The following C3orf52 variants were observed in gnomAD, a reference collection of about 807,000 sequenced individuals.
C3orf52 encodes chromosome 3 open reading frame 52, also known as TPA-induced transmembrane protein.
A neutral mutation model predicts 24.8 loss-of-function variants in C3orf52; 22 were observed. That is an observed-to-expected ratio of 0.89 (90% CI 0.63 to 1.27). C3orf52 has a LOEUF of 1.27. C3orf52 is among the 50% of genes most tolerant of loss of function. The probability of loss-of-function intolerance (pLI) is 0.00; values close to 1 mark genes in which losing one functional copy is unlikely to be tolerated. For synonymous variants in C3orf52, 93 were observed against 100.2 expected (o/e 0.93, Z 0.43); for missense variants, 265 against 260.7 (o/e 1.02, Z -0.11).
At chr3:112,087,743 G>T (rs865984769) in intron 1 of C3orf52, among the ~76,000 whole-genome samples, 1 of 152,204 alleles carries the variant, frequency 6.6e-6, no homozygotes, top group African/African-American at 2.4e-5. Flanking sequence ...GGCCACAACT[G>T]TGAACTGGCT....
At chr3:112,130,763 A>C, downstream of C3orf52, 2 of 512,402 alleles carry the variant, frequency 3.9e-6, no homozygotes, top group Non-Finnish European at 3.6e-6. Context: ...GTGATCCTAA[A>C]TCATCTGATC....
chr3:112,105,142 A>G (rs2074011478), intron 3 of C3orf52, among the ~76,000 whole-genome samples: 1 of 152,210 alleles, frequency 6.6e-6, no homozygotes, highest in Non-Finnish European at 1.5e-5. Context: ...AGGGACTGAC[A>G]TTGATGCCTG....
chr3:112,110,882 A>C (rs1415589456), intron 4 of C3orf52, among the ~76,000 whole-genome samples: 1 of 152,190 alleles, frequency 6.6e-6, no homozygotes, highest in Non-Finnish European at 1.5e-5. Context: ...CTACAGATAC[A>C]TATGGTGCAG....
At chr3:112,110,497 G>T (rs1322179967) in intron 4 of C3orf52, among the ~76,000 whole-genome samples, 1 of 152,008 alleles carries the variant, frequency 6.6e-6, no homozygotes, top group Non-Finnish European at 1.5e-5. Context: ...TTCTGTTCAT[G>T]TATCTACCAT....
At chr3:112,097,111 T>C (rs2073933463) in intron 2 of C3orf52, among the ~76,000 whole-genome samples, 1 of 152,220 alleles carries the variant, frequency 6.6e-6, no homozygotes, top group Admixed American at 6.5e-5. Flanking sequence ...TATAAATTTC[T>C]TGATTTGAAA....
chr3:112,108,310 A>G (rs948107895), intron 3 of C3orf52, among the ~76,000 whole-genome samples: 7 of 152,182 alleles, frequency 4.6e-5, no homozygotes, highest in East Asian at 1.9e-4. Flanking sequence ...GCACTATTTT[A>G]TACTCCTCGG....
chr3:112,089,260 T>C (rs1392921210), intron 1 of C3orf52, among the ~76,000 whole-genome samples: 2 of 152,200 alleles, frequency 1.3e-5, no homozygotes, highest in Non-Finnish European at 2.9e-5. Context: ...GTACAGCGGC[T>C]CACGCCTGTA....
intron 2 of C3orf52, among the ~76,000 whole-genome samples, chr3:112,099,781 T>C (rs187046022): frequency 6.4e-4 from 98 of 152,344 alleles, no homozygotes; most frequent in African/African-American, 2.2e-3. Flanking sequence ...TTCTCATATC[T>C]AGATAATGGC....
intron 4 of C3orf52, chr3:112,112,183 G>C (rs2074089653): frequency 6.6e-6 from 1 of 152,226 alleles, no homozygotes; most frequent in Non-Finnish European, 1.5e-5. Flanking sequence ...AAATGTTGAA[G>C]TAGCATTTAA....
At chr3:112,092,815 C>A (rs901938743) in intron 1 of C3orf52, among the ~76,000 whole-genome samples, 10 of 152,156 alleles carry the variant, frequency 6.6e-5, no homozygotes, top group African/African-American at 1.9e-4. Flanking sequence ...ACAGCAGTAG[C>A]CTTGTAGCTT....
At chr3:112,133,200 A>C (rs2107819766), downstream of C3orf52, 1 of 1,510,352 alleles carries the variant, frequency 6.6e-7, no homozygotes, top group Middle Eastern at 1.7e-4. Context: ...GCAACTCCTG[A>C]CTTAAAGAAA....
chr3:112,103,397 T>C lies in C3orf52; in HGVS notation c.396+432T>C, dbSNP rs548603760. Reference sequence around the variant, plus strand: ...ACTTTGTTAAAAAAATAAGTAAATATCTTTACTGTAGTGCAAAGCCAGAGG... The same window carrying C: ...ACTTTGTTAAAAAAATAAGTAAATACCTTTACTGTAGTGCAAAGCCAGAGG... On this transcript the variant is annotated intron_variant, in intron 3 of 5. Transcript: ENST00000264848. Among the ~76,000 whole-genome samples the C allele has an allele frequency of 1.6e-4, 24 of 152,296 alleles. 1 individual carries two copies. In the South Asian group the frequency reaches 5.0e-3, roughly 32 times the overall value.
At chr3:112,114,408 A>AC (rs1330839065) in intron 5 of C3orf52, among the ~76,000 whole-genome samples, 54 of 151,450 alleles carry the variant, frequency 3.6e-4, no homozygotes, top group Middle Eastern at 3.4e-3. Flanking sequence ...AGGAATTAAA[A>AC]AAAAAAAAAA....
Position 112,116,656 on chromosome 3 carries a change from G to A in C3orf52, c.*10G>A. ...TTTCTTTTTAGAATGAAGTGATGGA[G>A]GCTGGTCTCTGTCTGAAAGCAGTGC... On this transcript the variant is annotated 3_prime_UTR_variant, in exon 6 of 6. Transcript: ENST00000264848. The A allele has an allele frequency of 6.3e-7, 1 of 1,592,218 alleles. No homozygotes were observed. The highest frequency in any genetic ancestry group is 8.6e-7 in the Non-Finnish European group (1 of 1,167,350).
chr3:112,095,362 T>C (rs1370776200), intron 2 of C3orf52, among the ~76,000 whole-genome samples: 2 of 152,224 alleles, frequency 1.3e-5, no homozygotes, highest in Non-Finnish European at 2.9e-5. Context: ...GGTGCTATCC[T>C]AGAAGTTGAT....
At chr3:112,101,459 A>T (rs1049470603) in intron 2 of C3orf52, among the ~76,000 whole-genome samples, 2 of 152,154 alleles carry the variant, frequency 1.3e-5, no homozygotes, top group Admixed American at 6.5e-5. Flanking sequence ...CCTACTATGC[A>T]CTAAAAATCC....
At chr3:112,131,647 A>G (rs1474979425), downstream of C3orf52, among the ~76,000 whole-genome samples, 1 of 152,192 alleles carries the variant, frequency 6.6e-6, no homozygotes, top group East Asian at 1.9e-4. Flanking sequence ...CTTTTAAATC[A>G]TCATAGAAAT....
At chr3:112,132,043 A>T (rs899261858), downstream of C3orf52, among the ~76,000 whole-genome samples, 2 of 152,216 alleles carry the variant, frequency 1.3e-5, no homozygotes, top group Admixed American at 6.5e-5. Context: ...ATTCAAAGAT[A>T]AATAAGAAAC....
downstream of C3orf52, chr3:112,130,319 G>T: frequency 1.3e-6 from 1 of 764,622 alleles, no homozygotes; most frequent in Non-Finnish European, 2.3e-6. Context: ...CTTCACATTT[G>T]TTACTATTGC....
Sources: gnomAD v4.1 joint callset for allele counts (sites outside exome capture counted in the v4.1 genomes callset) on GRCh38, gnomAD v4.1.1 for gene constraint, MANE v1.5 for transcripts, NCBI Gene and HGNC (gene_info 2026-07-23, HGNC 2026-07-21) for gene names.